TRAP1: variants seen among roughly 807,000 people sequenced by gnomAD.
TRAP1 encodes TNF receptor associated protein 1.
Under a neutral mutation model 89.1 loss-of-function variants are expected in TRAP1, and 102 were observed. The ratio of observed to expected loss-of-function variants is 1.15; its 90% CI spans 0.98 to 1.35. The LOEUF (loss-of-function observed/expected upper bound fraction) is 1.35. Ranked by LOEUF, TRAP1 falls within the 40% of genes most tolerant of loss-of-function variation. The pLI is 0.00. For synonymous variants in TRAP1, 508 were observed against 388.0 expected, an observed-to-expected ratio of 1.31 and a Z score of -3.64; for missense variants, 1,256 against 945.3, an observed-to-expected ratio of 1.33 and a Z score of -4.31.
At position 3,658,747 on chromosome 16, in the gene TRAP1, G is replaced by A. The variant is rs367861336; in HGVS notation, c.2013+46C>T. On this transcript the variant is annotated intron_variant, in intron 17 of 17. Coordinates refer to ENST00000246957, the MANE Select transcript of TRAP1 (RefSeq NM_016292.3). ...TCCACCCTGAAGGCAGGCTGGCAGG[G>A]CTGGTAGCCTGGGTCCCTGCAGTCA... 203 of 1,571,938 alleles carry A rather than the reference G, an allele frequency of 1.3e-4. 1 individual carries two copies. Among genetic ancestry groups the A allele is most frequent in the Non-Finnish European group, 1.1e-4 (127 of 1,147,118 alleles).
At chr16:3,686,378 T>C (rs1468029162) in intron 3 of TRAP1, among the ~76,000 whole-genome samples, 1 of 152,200 alleles carries the variant, frequency 6.6e-6, no homozygotes, top group African/African-American at 2.4e-5. Flanking sequence ...GGCTGGAGGC[T>C]GCAATCACGG....
chr16:3,671,603 G>T, intron 11 of TRAP1, 119 bp downstream of exon 11: 1 of 1,101,886 alleles, frequency 9.1e-7, no homozygotes, highest in Non-Finnish European at 1.3e-6. Context: ...TGCAGGCCGG[G>T]CTTCCCCGAC....
Position 3,674,420 on chromosome 16 carries a change from A to C in TRAP1, c.963T>G (p.Ala321=). Residue 321 remains alanine, a synonymous_variant, in exon 9 of 18, where the codon GCT becomes GCG. Coordinates refer to ENST00000246957, the MANE Select transcript of TRAP1 (RefSeq NM_016292.3). ...GCAGGGTGTAGCGGGGCTTGTCGTG[A>C]GCCTGCGCGACGTAGCGGTAGAACT... is the stretch of plus-strand genomic sequence containing the variant. The part of the protein sequence containing the change: ...HEEFYRYVAQ[A]HDKPRYTLHY... 6.2e-7 allele frequency: 1 copy of C among 1,614,074 alleles called. No homozygotes were observed. Among genetic ancestry groups the C allele is most frequent in the Middle Eastern group, 1.6e-4 (1 of 6,062 alleles).
In TRAP1 at chr16:3,674,297, CAG is replaced by C. The variant is rs1200485036; in HGVS notation, c.1044+40_1044+41del. 8.1e-6 allele frequency: 13 copies of C among 1,607,728 alleles called. No individual in the cohort carries two copies. The African/African-American group carries it at 9.3e-5, about 12-fold the overall frequency. ...GCAGAGCTGATGCCACAGGGGACAA[CAG>C]AGTCACCCTGAGGGCCGTGGGACTG... On this transcript the variant is annotated intron_variant, in intron 9 of 17. Transcript: ENST00000246957.
At chr16:3,675,192 G>C (rs964011754) in intron 8 of TRAP1, 132 bp downstream of exon 8, 3 of 793,744 alleles carry the variant, frequency 3.8e-6, no homozygotes. Flanking sequence ...CCACACCCAG[G>C]TCTCATCTCC....
At chr16:3,717,399 C>T in intron 1 of TRAP1, 22 bp downstream of exon 1, 4 of 1,048,158 alleles carry the variant, frequency 3.8e-6, no homozygotes, top group Non-Finnish European at 4.9e-6. Context: ...GCCCGCTGCC[C>T]GTCCAGCCAG....
At chr16:3,715,199 G>A (rs952637479) in intron 1 of TRAP1, among the ~76,000 whole-genome samples, 1 of 152,230 alleles carries the variant, frequency 6.6e-6, no homozygotes, top group African/African-American at 2.4e-5. Context: ...AGCACTTTGG[G>A]AGGCCGAAGT....
chr16:3,695,717 T>G (rs1054785834), intron 1 of TRAP1, among the ~76,000 whole-genome samples: 3 of 152,118 alleles, frequency 2.0e-5, no homozygotes, highest in African/African-American at 4.8e-5. Flanking sequence ...TGACTGTTAC[T>G]GTAAAACTAA....
intron 4 of TRAP1, among the ~76,000 whole-genome samples, chr16:3,680,710 C>T (rs2051063464): frequency 6.6e-6 from 1 of 152,342 alleles, no homozygotes; most frequent in East Asian, 1.9e-4. Flanking sequence ...AAGGGGATGG[C>T]ACTGGGAGGG....
intron 1 of TRAP1, among the ~76,000 whole-genome samples, chr16:3,707,186 T>C (rs1006074796): frequency 1.4e-5 from 2 of 143,196 alleles, no homozygotes; most frequent in Non-Finnish European, 3.1e-5. Flanking sequence ...GAGGAAATCT[T>C]TTTTTTTTTT....
intron 1 of TRAP1, 167 bp from the exon 2 acceptor site, chr16:3,691,152 G>A (rs1476452880): frequency 3.5e-6 from 2 of 575,274 alleles, no homozygotes; most frequent in African/African-American, 1.9e-5. Context: ...GTCAGGGTGT[G>A]GTTTTGGCAA....
At chr16:3,709,418 T>C (rs1276321685) in intron 1 of TRAP1, among the ~76,000 whole-genome samples, 3 of 152,162 alleles carry the variant, frequency 2.0e-5, no homozygotes, top group African/African-American at 7.2e-5. Flanking sequence ...ATACTGTCAT[T>C]CTAGCACTGG....
intron 1 of TRAP1, among the ~76,000 whole-genome samples, chr16:3,701,224 T>A (rs2051360582): frequency 6.6e-6 from 1 of 152,150 alleles, no homozygotes; most frequent in Non-Finnish European, 1.5e-5. Context: ...TTCAGAATAC[T>A]ACAACAAACA....
Position 3,679,913 on chromosome 16 carries a change from G to T in TRAP1, c.472-123C>A, listed in dbSNP as rs546003873. On this transcript the variant is annotated intron_variant, in intron 4 of 17. Transcript: ENST00000246957. ...TGGCCAGACAGGGCCCAGCCAGGTAGCACCAGATGCTCATCAGAAAAGACT... is the reference window on the plus strand; with the variant it reads ...TGGCCAGACAGGGCCCAGCCAGGTATCACCAGATGCTCATCAGAAAAGACT... The T allele has an allele frequency of 7.4e-6, 6 of 814,358 alleles. No homozygotes were observed. In the South Asian group the frequency reaches 8.7e-5, roughly 12 times the overall value. The allele number at this position is 814,358 out of a possible 1,614,324, so 50.4% of individuals were successfully genotyped here.
At position 3,708,456 on chromosome 16, in the gene TRAP1, G is replaced by C. The variant is rs1164716180; in HGVS notation, c.88+8965C>G. On this transcript the variant is annotated intron_variant, in intron 1 of 17. Transcript: ENST00000246957. ...GTTCAAGACCAGCCTGATCAACATG[G>C]TGAAATTCCATCTCTACTAAAAATA... 2.0e-5 allele frequency among the ~76,000 whole-genome samples: 3 copies of C among 152,030 alleles called. No homozygotes were observed. The East Asian group carries it at 5.8e-4, about 29-fold the overall frequency.
Position 3,689,071 on chromosome 16 carries a change from A to G in TRAP1, c.314T>C (p.Leu105Pro). ...KKLLDIVARSLYSEKEVFIRE... is the reference protein window; with the variant it reads ...KKLLDIVARSPYSEKEVFIRE... ...GGAACGCACCTCTTTTTCTGAGTACAGGGACCGGGCAACAATGTCCAAAAG... is the reference window on the plus strand; with the variant it reads ...GGAACGCACCTCTTTTTCTGAGTACGGGGACCGGGCAACAATGTCCAAAAG... Residue 105 changes from leucine (L) to proline (P), a missense_variant, in exon 3 of 18, where the codon CTG becomes CCG. By Grantham distance (98) the Leu-to-Pro change is moderately conservative (BLOSUM62 -3). Coordinates refer to ENST00000246957, the MANE Select transcript of TRAP1 (RefSeq NM_016292.3). 6.2e-7 allele frequency: 1 copy of G among 1,613,806 alleles called. No individual in the cohort carries two copies. Among genetic ancestry groups the G allele is most frequent in the Non-Finnish European group, 8.5e-7 (1 of 1,179,836 alleles).
At chr16:3,710,879 A>ATTTTT (rs1181110685) in intron 1 of TRAP1, among the ~76,000 whole-genome samples, 109 of 125,778 alleles carry the variant, frequency 8.7e-4, no homozygotes, top group African/African-American at 3.3e-3. Context: ...ATATATATAT[A>ATTTTT]TTTTTTTTTT....
chr16:3,717,345 C>A, intron 1 of TRAP1, 76 bp downstream of exon 1: 1 of 576,250 alleles, frequency 1.7e-6, no homozygotes, highest in South Asian at 8.3e-5. Context: ...GCGCCTCGCT[C>A]CCCGGAGCAC....
intron 16 of TRAP1, chr16:3,660,049 G>A (rs1239528129): frequency 6.6e-6 from 1 of 152,136 alleles, no homozygotes; most frequent in Non-Finnish European, 1.5e-5. Flanking sequence ...CACTTCAAAT[G>A]CACATCCTCA....
Sources: allele counts gnomAD v4.1 joint callset (sites outside exome capture counted in the v4.1 genomes callset), GRCh38; gene constraint gnomAD v4.1.1; transcripts MANE v1.5; gene names NCBI Gene and HGNC (gene_info 2026-07-23, HGNC 2026-07-21).